The following RCHY1 variants were observed in gnomAD, a reference collection of about 807,000 sequenced individuals.
RCHY1 encodes ring finger and CHY zinc finger domain containing 1, also known as RING finger and CHY zinc finger domain-containing protein 1.
Under a neutral mutation model 41.6 loss-of-function variants are expected in RCHY1, and 21 were observed. The ratio of observed to expected loss-of-function variants is 0.51; its 90% confidence interval spans 0.36 to 0.73. The LOEUF (loss-of-function observed/expected upper bound fraction) is 0.73, where lower values mean the gene tolerates loss of function less well. RCHY1 is among the 30% of genes least tolerant of loss of function. The pLI is 0.00. For missense variants in RCHY1, 265 were observed against 325.3 expected (o/e 0.81, Z 1.43); for synonymous variants, 79 against 102.9 (o/e 0.77, Z 1.41).
intron 3 of RCHY1, among the ~76,000 whole-genome samples, chr4:75,497,059 T>C (rs977799109): frequency 6.6e-6 from 1 of 152,074 alleles, no homozygotes; most frequent in Non-Finnish European, 1.5e-5. Context: ...GATTTAAAAA[T>C]ACACTGATGA....
intron 8 of RCHY1, among the ~76,000 whole-genome samples, chr4:75,487,680 AAT>A (rs1206473140): frequency 0.016 from 660 of 41,988 alleles, 12 homozygotes; most frequent in African/African-American, 0.03. Context: ...ATATATTCAT[AAT>A]ATATATATTC....
intron 7 of RCHY1, 131 bp downstream of exon 7, chr4:75,491,480 C>A (rs1722742614): frequency 1.3e-6 from 1 of 745,164 alleles, no homozygotes; most frequent in Non-Finnish European, 2.2e-6. Context: ...TATTCATCTA[C>A]CCTACCCATT....
chr4:75,492,072 G>A, intron 4 of RCHY1, 139 bp from the exon 5 acceptor site: 1 of 577,340 alleles, frequency 1.7e-6, no homozygotes, highest in East Asian at 3.1e-5. Flanking sequence ...TTATATGTAA[G>A]AAGAGTTTTT....
intron 8 of RCHY1, among the ~76,000 whole-genome samples, chr4:75,485,052 G>C (rs1002775128): frequency 1.3e-5 from 2 of 152,168 alleles, no homozygotes; most frequent in Admixed American, 6.5e-5. Context: ...CTAGCCTTTT[G>C]GCTTAGTTAC....
At chr4:75,494,302 G>A (rs1323208144) in intron 3 of RCHY1, 123 bp from the exon 4 acceptor site, 1 of 664,082 alleles carries the variant, frequency 1.5e-6, no homozygotes, top group Non-Finnish European at 2.6e-6. Context: ...GGAGAATATG[G>A]GATAAATCCC....
intron 3 of RCHY1, among the ~76,000 whole-genome samples, chr4:75,497,107 A>C (rs572625832): frequency 6.6e-5 from 10 of 152,132 alleles, no homozygotes; most frequent in Non-Finnish European, 1.5e-5. Context: ...CAAAAAGGTT[A>C]GTCAACTTGA....
At chr4:75,514,470 G>A (rs1184338513), upstream of RCHY1, 1 of 582,222 alleles carries the variant, frequency 1.7e-6, no homozygotes, top group Non-Finnish European at 2.9e-6. Flanking sequence ...CGGAAGCGAA[G>A]GCAGACGCAG....
At chr4:75,499,122 T>C (rs1029439356) in intron 3 of RCHY1, among the ~76,000 whole-genome samples, 1 of 152,112 alleles carries the variant, frequency 6.6e-6, no homozygotes, top group African/African-American at 2.4e-5. Flanking sequence ...CAAAGACCTG[T>C]ACAGTAATTT....
intron 8 of RCHY1, among the ~76,000 whole-genome samples, chr4:75,486,358 A>G (rs1722003277): frequency 6.6e-6 from 1 of 152,150 alleles, no homozygotes; most frequent in Admixed American, 6.5e-5. Flanking sequence ...AAAACTTTTA[A>G]GTCATTTATA....
intron 3 of RCHY1, among the ~76,000 whole-genome samples, chr4:75,503,450 A>C (rs950520271): frequency 7.2e-5 from 11 of 152,212 alleles, no homozygotes; most frequent in African/African-American, 2.7e-4. Context: ...TAATTCCAGC[A>C]TTTTGGGAGG....
intron 1 of RCHY1, among the ~76,000 whole-genome samples, chr4:75,513,761 TA>T (rs1725219169): frequency 1.3e-5 from 2 of 152,340 alleles, no homozygotes; most frequent in Admixed American, 6.5e-5. Flanking sequence ...GCACTGCCTT[TA>T]ACATGAAGCT....
intron 3 of RCHY1, among the ~76,000 whole-genome samples, chr4:75,498,837 T>A (rs1315699538): frequency 4.6e-5 from 7 of 152,054 alleles, no homozygotes; most frequent in Non-Finnish European, 1.0e-4. Flanking sequence ...ATAAAACTAA[T>A]GAAAGAAAAC....
chr4:75,487,612 CATA>C (rs558447765), intron 8 of RCHY1, among the ~76,000 whole-genome samples: 9 of 20,278 alleles, frequency 4.4e-4, no homozygotes, highest in South Asian at 2.4e-3. Context: ...CATATATATT[CATA>C]ATATATATAT....
chr4:75,487,852 AATAT>A (rs1235989484), intron 8 of RCHY1, among the ~76,000 whole-genome samples: 1 of 84,080 alleles, frequency 1.2e-5, no homozygotes, highest in Non-Finnish European at 2.6e-5. Flanking sequence ...ATATATTCAT[AATAT>A]ATATATTCAT....
chr4:75,482,440 A>AT lies in RCHY1; in HGVS notation c.*97_*98insA, dbSNP rs1721592522. On this transcript the variant is annotated 3_prime_UTR_variant, in exon 9 of 9. Coordinates refer to ENST00000324439, the MANE Select transcript of RCHY1 (RefSeq NM_015436.4). ...TGTGACACTAGTACAAAACACATCA[A>AT]CTCTAATGCATAGATGACGACACAT... 2.6e-6 allele frequency: 3 copies of AT among 1,132,252 alleles called. No homozygotes were observed. In the African/African-American group the frequency reaches 4.8e-5, roughly 18 times the overall value. 70.1% of individuals were successfully genotyped at this position (1,132,252 alleles called of 1,614,324 possible). A position where few individuals can be genotyped will look rare whatever the true frequency, so the allele number is the denominator to read the frequency against.
At chr4:75,490,295 C>T (rs1035177535) in intron 8 of RCHY1, among the ~76,000 whole-genome samples, 3 of 152,028 alleles carry the variant, frequency 2.0e-5, no homozygotes, top group Non-Finnish European at 4.4e-5. Flanking sequence ...AGTTATATTA[C>T]TGACTGACTC....
Position 75,491,754 on chromosome 4 carries a change from T to G in RCHY1, c.479A>C (p.His160Pro). ...EDIHTSRVVAHVLPCGHLLHR... is the reference protein window; with the variant it reads ...EDIHTSRVVAPVLPCGHLLHR... ...TAAAAGATGTCCACATGGCAAGACA[T>G]GAGCAACAACACGGGATGTGTGAAT... is the stretch of plus-strand genomic sequence containing the variant. Residue 160 changes from histidine to proline, a missense_variant, in exon 6 of 9, where the codon CAT (histidine) becomes CCT (proline). By Grantham distance (77) the His-to-Pro change is moderately conservative. Coordinates refer to ENST00000324439, the MANE Select transcript of RCHY1 (RefSeq NM_015436.4). The G allele has an allele frequency of 6.2e-7, 1 of 1,613,104 alleles. No individual in the cohort carries two copies. Among genetic ancestry groups the G allele is most frequent in the Non-Finnish European group, 8.5e-7 (1 of 1,179,372 alleles).
At chr4:75,503,424 C>T (rs1723980392) in intron 3 of RCHY1, among the ~76,000 whole-genome samples, 1 of 152,184 alleles carries the variant, frequency 6.6e-6, no homozygotes, top group Non-Finnish European at 1.5e-5. Flanking sequence ...TGGCCAGGCA[C>T]AGTGGCTCAC....
At position 75,490,551 on chromosome 4, in the gene RCHY1, T is replaced by C. The variant is rs1358080713; in HGVS notation, c.657+30A>G. On this transcript the variant is annotated intron_variant, in intron 8 of 8. Transcript: ENST00000324439. Reference sequence around the variant, plus strand: ...AAAATAAGAGTGCCAACAAGGAGTCTACAAAGTTTTAAGTATTGATTCTAC... The same window carrying C: ...AAAATAAGAGTGCCAACAAGGAGTCCACAAAGTTTTAAGTATTGATTCTAC... 5 of 1,587,894 alleles carry C rather than the reference T, an allele frequency of 3.1e-6. No individual in the cohort carries two copies. In the East Asian group the frequency reaches 1.1e-4, roughly 36 times the overall value.
Sources: gnomAD v4.1 joint callset for allele counts (sites outside exome capture counted in the v4.1 genomes callset) on GRCh38, gnomAD v4.1.1 for gene constraint, MANE v1.5 for transcripts, NCBI Gene and HGNC (gene_info 2026-07-23, HGNC 2026-07-21) for gene names.